The following SCFD1 variants were observed in gnomAD, a reference collection of about 807,000 sequenced individuals.
SCFD1 encodes sec1 family domain containing 1.
Under a neutral mutation model 103.2 loss-of-function variants are expected in SCFD1, and 37 were observed. The observed-to-expected ratio is 0.36, with a 90% CI of 0.28 to 0.47. The LOEUF is 0.47. Ranked by LOEUF, SCFD1 falls within the 20% of genes least tolerant of loss-of-function variation. SCFD1 has a pLI of 1.00. For missense variants in SCFD1, 639 were observed against 761.2 expected (o/e 0.84, Z 1.89); for synonymous variants, 264 against 245.0 (o/e 1.08, Z -0.73).
chr14:30,707,481 A>G lies in SCFD1; in HGVS notation c.1554-509A>G, dbSNP rs984091611. ...TATGTATAGAGAGGAGAGAAAATAT[A>G]CAATGTAGAATTGGATCCAGCTGCT... On this transcript the variant is annotated intron_variant, in intron 18 of 24. Transcript: ENST00000458591. Among the ~76,000 whole-genome samples, 7 of 152,338 alleles carry G rather than the reference A, an allele frequency of 4.6e-5. No individual in the cohort carries two copies. In the East Asian group the frequency reaches 1.2e-3, roughly 25 times the overall value.
chr14:30,635,253 T>C (rs1884607469), intron 4 of SCFD1, among the ~76,000 whole-genome samples: 1 of 152,204 alleles, frequency 6.6e-6, no homozygotes, highest in Non-Finnish European at 1.5e-5. Context: ...AACACCTTTA[T>C]TGAAATTATA....
intron 10 of SCFD1, among the ~76,000 whole-genome samples, chr14:30,661,003 C>T (rs1887398501): frequency 6.6e-6 from 1 of 152,164 alleles, no homozygotes; most frequent in Non-Finnish European, 1.5e-5. Context: ...GTGGATACCA[C>T]AGTCTGGGCT....
Position 30,729,161 on chromosome 14 carries a change from C to T in SCFD1, c.1837-5629C>T, listed in dbSNP as rs548609571. Among the ~76,000 whole-genome samples, 6 of 152,262 alleles carry T rather than the reference C, an allele frequency of 3.9e-5. No individual in the cohort carries two copies. The East Asian group carries it at 9.6e-4, about 24-fold the overall frequency. ...ATTGATACAAATCCCGTATCAGATA[C>T]ATGATTTCCAGATTTTTTCCCCCAT... On this transcript the variant is annotated intron_variant, in intron 23 of 24. Coordinates refer to ENST00000458591, the MANE Select transcript of SCFD1 (RefSeq NM_016106.4).
chr14:30,731,644 C>T (rs1893476203), intron 23 of SCFD1, among the ~76,000 whole-genome samples: 1 of 152,132 alleles, frequency 6.6e-6, no homozygotes, highest in Non-Finnish European at 1.5e-5. Context: ...CATGATTTGG[C>T]TCTCTGTTTG....
At chr14:30,708,116 G>A in intron 19 of SCFD1, 51 bp downstream of exon 19, 3 of 1,203,962 alleles carry the variant, frequency 2.5e-6, no homozygotes, top group Non-Finnish European at 3.7e-6. Flanking sequence ...CATAAATGTT[G>A]ACAGGCTAAC....
upstream of SCFD1, chr14:30,622,298 C>T (rs200600178): frequency 3.8e-6 from 6 of 1,592,934 alleles, no homozygotes; most frequent in East Asian, 9.0e-5. Flanking sequence ...GTCATCCCCC[C>T]GCTCCGCTCC....
intron 18 of SCFD1, among the ~76,000 whole-genome samples, chr14:30,706,681 C>T (rs999904340): frequency 6.6e-6 from 1 of 152,138 alleles, no homozygotes; most frequent in African/African-American, 2.4e-5. Flanking sequence ...GTGTGATTTT[C>T]AGAGAAACTG....
chr14:30,703,013 G>A (rs1371233313), intron 17 of SCFD1, among the ~76,000 whole-genome samples: 1 of 151,208 alleles, frequency 6.6e-6, no homozygotes, highest in East Asian at 1.9e-4. Flanking sequence ...AAATCAGAAG[G>A]CTTACTTAAT....
chr14:30,674,091 A>C (rs189364291), intron 13 of SCFD1, 94 bp downstream of exon 13: 1 of 803,868 alleles, frequency 1.2e-6, no homozygotes, highest in African/African-American at 1.8e-5. Context: ...AACTAGTAGG[A>C]AACTGTAGGC....
chr14:30,673,372 A>T, intron 12 of SCFD1, 25 bp downstream of exon 12: 1 of 1,276,350 alleles, frequency 7.8e-7, no homozygotes, highest in South Asian at 1.3e-5. Context: ...GCTTTCTAAG[A>T]ATTATAGGAA....
intron 7 of SCFD1, chr14:30,643,793 C>A: frequency 3.2e-6 from 1 of 308,232 alleles, no homozygotes; most frequent in Admixed American, 4.3e-5. Flanking sequence ...GCCCAAGGCT[C>A]CAGAAAACAT....
intron 10 of SCFD1, among the ~76,000 whole-genome samples, chr14:30,656,592 T>C: frequency 6.6e-6 from 1 of 152,034 alleles, no homozygotes; most frequent in South Asian, 2.1e-4. Context: ...AGGGGCAAAA[T>C]TGCCCAATTG....
intron 23 of SCFD1, among the ~76,000 whole-genome samples, chr14:30,733,830 G>T (rs1174768074): frequency 1.3e-5 from 2 of 152,192 alleles, no homozygotes; most frequent in African/African-American, 2.4e-5. Flanking sequence ...AGGCATAAAA[G>T]ACCTCTCCTT....
chr14:30,627,459 G>A (rs1594545040), intron 1 of SCFD1, among the ~76,000 whole-genome samples: 1 of 152,222 alleles, frequency 6.6e-6, no homozygotes, highest in African/African-American at 2.4e-5. Context: ...TAGAAAGACT[G>A]ATCCAGGCCG....
At chr14:30,632,769 C>T (rs184302411) in intron 3 of SCFD1, among the ~76,000 whole-genome samples, 6 of 152,306 alleles carry the variant, frequency 3.9e-5, no homozygotes, top group Admixed American at 6.5e-5. Context: ...GGCCACATTG[C>T]TTGACCACTA....
In SCFD1 at chr14:30,638,188, A is replaced by G; in HGVS notation, c.376A>G (p.Lys126Glu). 3 of 1,612,752 alleles carry G rather than the reference A, an allele frequency of 1.9e-6. No homozygotes were observed. The highest frequency in any genetic ancestry group is 2.5e-6 in the Non-Finnish European group (3 of 1,179,358). Residue 126 changes from lysine to glutamate, a missense_variant, in exon 5 of 25, where the codon AAA (lysine) becomes GAA (glutamate). Physicochemically the swap from Lys to Glu is moderately conservative, Grantham distance 56. Coordinates refer to ENST00000458591, the MANE Select transcript of SCFD1 (RefSeq NM_016106.4). ...TTTTATTTCTGCTATTTCAAGAAGT[A>G]AACTGGAAGATATTGCAAATGCAGC... ...LNFISAISRS[K>E]LEDIANAALA...
chr14:30,694,161 T>G lies in SCFD1; in HGVS notation c.1243-612T>G, dbSNP rs144488347. The stretch of plus-strand genomic sequence containing the variant: ...TGCACACTAAAATAGTAAACATAAC[T>G]TGACCACCTGACATGAATTTTGCAT... On this transcript the variant is annotated intron_variant, in intron 14 of 24. Coordinates refer to ENST00000458591, the MANE Select transcript of SCFD1 (RefSeq NM_016106.4). Among the ~76,000 whole-genome samples the G allele has an allele frequency of 3.9e-5, 6 of 152,342 alleles. No homozygotes were observed. In the East Asian group the frequency reaches 1.2e-3, roughly 29 times the overall value.
At position 30,735,469 on chromosome 14, in the gene SCFD1, G is replaced by C. The variant is rs544670374; in HGVS notation, c.1906-117G>C. On this transcript the variant is annotated intron_variant, in intron 24 of 24. Coordinates refer to ENST00000458591, the MANE Select transcript of SCFD1 (RefSeq NM_016106.4). ...GTGAACATTAAGATTTATTATTCTA[G>C]GAATGCAGTGAATAAAATAGGAAGT... 1.6e-3 allele frequency: 1,181 copies of C among 723,714 alleles called. 6 individuals are homozygous for C. The highest frequency in any genetic ancestry group is 1.3e-3 in the Non-Finnish European group (523 of 412,168). 44.8% of individuals were successfully genotyped at this position (723,714 alleles called of 1,614,324 possible). A position where few individuals can be genotyped will look rare whatever the true frequency, so the allele number is the denominator to read the frequency against.
At chr14:30,639,484 C>G (rs999291869) in intron 5 of SCFD1, among the ~76,000 whole-genome samples, 2 of 152,040 alleles carry the variant, frequency 1.3e-5, no homozygotes, top group African/African-American at 4.8e-5. Context: ...AAATTGATAT[C>G]CATTCCCATC....
Sources: gnomAD v4.1 joint callset for allele counts (sites outside exome capture counted in the v4.1 genomes callset) on GRCh38, gnomAD v4.1.1 for gene constraint, MANE v1.5 for transcripts, NCBI Gene and HGNC (gene_info 2026-07-23, HGNC 2026-07-21) for gene names.